YLPM1: variants seen among roughly 807,000 people sequenced by gnomAD.
YLPM1 encodes the protein YLP motif containing 1, also known as YLP motif-containing protein 1.
In YLPM1, 99 loss-of-function variants were observed where a neutral mutation model predicts 230.0. The ratio of observed to expected loss-of-function variants is 0.43; its 90% confidence interval spans 0.37 to 0.51. The LOEUF (loss-of-function observed/expected upper bound fraction) is 0.51, where lower values mean the gene tolerates loss of function less well. Ranked by LOEUF, YLPM1 falls within the 20% of genes least tolerant of loss-of-function variation. YLPM1 has a pLI of 0.00. For synonymous variants in YLPM1, 984 were observed against 942.5 expected (o/e 1.04, Z -0.81); for missense variants, 2,592 against 2,707.7 (o/e 0.96, Z 0.95).
chr14:74,769,145 G>A (rs1047556159), intron 1 of YLPM1, among the ~76,000 whole-genome samples: 50 of 150,890 alleles, frequency 3.3e-4, no homozygotes, highest in African/African-American at 1.2e-3. Flanking sequence ...GCGCGATCTC[G>A]GCTCACTGCA....
intron 18 of YLPM1, among the ~76,000 whole-genome samples, chr14:74,827,183 A>G (rs938300841): frequency 4.6e-5 from 7 of 152,308 alleles, no homozygotes; most frequent in African/African-American, 1.7e-4. Context: ...ACTGTTTCAA[A>G]TATGTGGTAA....
chr14:74,824,059 T>A, intron 17 of YLPM1, 197 bp from the exon 18 acceptor site: 1 of 573,966 alleles, frequency 1.7e-6, no homozygotes, highest in East Asian at 3.0e-5. Flanking sequence ...CTCTGAAATG[T>A]GGACAGTGAA....
At chr14:74,782,917 T>A (rs1566743540) in intron 4 of YLPM1, among the ~76,000 whole-genome samples, 1 of 152,214 alleles carries the variant, frequency 6.6e-6, no homozygotes, top group African/African-American at 2.4e-5. Context: ...CTTCTGTTTA[T>A]CCTGAACAAC....
chr14:74,814,321 A>G (rs2091460056), intron 11 of YLPM1, among the ~76,000 whole-genome samples: 1 of 152,234 alleles, frequency 6.6e-6, no homozygotes, highest in East Asian at 1.9e-4. Context: ...AGATCGCGCC[A>G]CTGCACTCCA....
At chr14:74,817,834 C>T (rs979040135) in intron 15 of YLPM1, among the ~76,000 whole-genome samples, 3 of 152,048 alleles carry the variant, frequency 2.0e-5, no homozygotes, top group African/African-American at 7.2e-5. Context: ...GTGGGCGGAT[C>T]GCTTGAGCCT....
chr14:74,785,068 A>T (rs1315451868), intron 4 of YLPM1, among the ~76,000 whole-genome samples: 1 of 152,144 alleles, frequency 6.6e-6, no homozygotes, highest in Non-Finnish European at 1.5e-5. Context: ...CTCTTGTTGA[A>T]CTTAACATCA....
intron 1 of YLPM1, among the ~76,000 whole-genome samples, chr14:74,774,735 G>A (rs1016485563): frequency 6.6e-6 from 1 of 151,758 alleles, no homozygotes; most frequent in Non-Finnish European, 1.5e-5. Flanking sequence ...GTAGAGACGG[G>A]GTTTCACCAT....
intron 1 of YLPM1, among the ~76,000 whole-genome samples, chr14:74,777,264 A>G (rs886345048): frequency 2.6e-5 from 4 of 152,048 alleles, no homozygotes; most frequent in African/African-American, 9.7e-5. Flanking sequence ...AATAGAAAGC[A>G]TTTTAAAACA....
At chr14:74,796,278 C>T (rs1263413578) in intron 4 of YLPM1, among the ~76,000 whole-genome samples, 1 of 152,186 alleles carries the variant, frequency 6.6e-6, no homozygotes, top group Non-Finnish European at 1.5e-5. Flanking sequence ...TTTATCAGCT[C>T]TCTTGACTCT....
chr14:74,803,452 C>T (rs1165585898), intron 6 of YLPM1, among the ~76,000 whole-genome samples: 1 of 152,136 alleles, frequency 6.6e-6, no homozygotes, highest in African/African-American at 2.4e-5. Flanking sequence ...ATCAAATTAA[C>T]ACTTTTCATT....
chr14:74,813,430 T>C (rs2091452113), intron 11 of YLPM1, among the ~76,000 whole-genome samples: 1 of 152,082 alleles, frequency 6.6e-6, no homozygotes, highest in Non-Finnish European at 1.5e-5. Flanking sequence ...TTTTTTTTTT[T>C]CCATTCAGGT....
intron 11 of YLPM1, among the ~76,000 whole-genome samples, chr14:74,813,817 T>C (rs2091455243): frequency 2.6e-5 from 4 of 152,240 alleles, no homozygotes; most frequent in Admixed American, 2.6e-4. Context: ...ATTCGTCTTG[T>C]ATCCTGCAAT....
In YLPM1 at chr14:74,781,317, T is replaced by G. The variant is rs1413987270; in HGVS notation, c.1291-17T>G. ...TATATGAATGGTTTTAAATAGTTTT[T>G]ATCCCTTTATTTGTAGACCATGTCT... On this transcript the variant is annotated splice_polypyrimidine_tract_variant and intron_variant, in intron 3 of 20. Transcript: ENST00000325680. The G allele has an allele frequency of 6.6e-7, 1 of 1,511,032 alleles. No individual in the cohort carries two copies. Among genetic ancestry groups the G allele is most frequent in the East Asian group, 2.4e-5 (1 of 40,888 alleles). 93.6% of individuals were successfully genotyped at this position (1,511,032 alleles called of 1,614,324 possible).
chr14:74,796,256 C>T (rs79896140), intron 4 of YLPM1, among the ~76,000 whole-genome samples: 1,746 of 152,268 alleles, frequency 0.011, 36 homozygotes, highest in African/African-American at 0.039. Flanking sequence ...GCTGCTTTTC[C>T]ACATTTCCCT....
At chr14:74,767,569 T>A (rs1348226717) in intron 1 of YLPM1, among the ~76,000 whole-genome samples, 1 of 152,174 alleles carries the variant, frequency 6.6e-6, no homozygotes, top group Non-Finnish European at 1.5e-5. Context: ...CTCTACCCAT[T>A]AGATGCCAGT....
intron 4 of YLPM1, 79 bp downstream of exon 4, chr14:74,782,404 A>G: frequency 1.4e-6 from 2 of 1,440,590 alleles, no homozygotes; most frequent in Non-Finnish European, 1.8e-6. Context: ...GATGGTATAA[A>G]AAGCTTCATT....
chr14:74,821,696 T>TTA (rs937452212), intron 17 of YLPM1: 1 of 152,220 alleles, frequency 6.6e-6, no homozygotes, highest in African/African-American at 2.4e-5. Context: ...TAGTGTGAGT[T>TTA]TAAAGTTTCT....
intron 2 of YLPM1, 109 bp downstream of exon 2, chr14:74,778,792 C>T: frequency 4.4e-6 from 4 of 902,338 alleles, no homozygotes; most frequent in Non-Finnish European, 6.6e-6. Context: ...TTTTAGGTAC[C>T]TATAAAGTTG....
chr14:74,799,069 G>A lies in YLPM1; in HGVS notation c.3772G>A (p.Gly1258Arg), dbSNP rs776349879. The change falls in exon 5 of 21, where the codon GGA becomes AGA. Residue 1258 changes from glycine to arginine, a missense_variant. Around this residue, in one of 4 missense-constraint regions of YLPM1, gnomAD observed 1,862 missense variants for 1,819.8 expected, o/e 1.02. Transcript: ENST00000325680. ...AGCACCACCATCTCGGTCTCATGAT[G>A]GAGATAGGCGAGGCCCTTGGTGGGA... is the stretch of plus-strand genomic sequence containing the variant. Reference protein sequence around the residue: ...FSAPPSRSHDGDRRGPWWDDW... With the variant: ...FSAPPSRSHDRDRRGPWWDDW... The A allele has an allele frequency of 7.4e-6, 12 of 1,613,866 alleles. No homozygotes were observed. Among genetic ancestry groups the A allele is most frequent in the Admixed American group, 1.7e-5 (1 of 59,998 alleles).
Sources: gnomAD v4.1 joint callset for allele counts (sites outside exome capture counted in the v4.1 genomes callset) on GRCh38, gnomAD v4.1.1 for gene constraint, gnomAD v4.1.1 regional missense constraint, MANE v1.5 for transcripts, NCBI Gene and HGNC (gene_info 2026-07-23, HGNC 2026-07-21) for gene names.